The following ADGRG4 variants were observed in gnomAD, a reference collection of about 807,000 sequenced individuals.
ADGRG4 encodes adhesion G protein-coupled receptor G4.
A neutral mutation model predicts 126.2 loss-of-function variants in ADGRG4; 122 were observed. The ratio of observed to expected loss-of-function variants is 0.97; its 90% confidence interval spans 0.83 to 1.12. The LOEUF (loss-of-function observed/expected upper bound fraction) is 1.12. Ranked by LOEUF, ADGRG4 falls within the 50% of genes most tolerant of loss-of-function variation. The pLI is 0.00. For synonymous variants in ADGRG4, 943 were observed against 838.7 expected (o/e 1.12, Z -2.15); for missense variants, 2,481 against 2,251.8 (o/e 1.10, Z -2.06).
At chrX:136,322,631 A>C in intron 4 of ADGRG4, 147 bp from the exon 5 acceptor site, 1 of 446,854 alleles carries the variant, frequency 2.2e-6, no homozygotes, top group South Asian at 5.5e-5. Context: ...ATGATTTTTT[A>C]CATCTACTAT....
At chrX:136,329,733 A>G (rs548716407) in intron 5 of ADGRG4, among the ~76,000 whole-genome samples, 5 of 107,969 alleles carry the variant, frequency 4.6e-5, no homozygotes, top group African/African-American at 1.7e-4. Context: ...GCAGTGGTGC[A>G]ATCAGAGCTC....
At chrX:136,341,203 G>A (rs751742600) in intron 5 of ADGRG4, among the ~76,000 whole-genome samples, 4 of 112,123 alleles carry the variant, frequency 3.6e-5, no homozygotes, top group Non-Finnish European at 5.6e-5. Context: ...CCCATTCCCC[G>A]TCTTCTAAAA....
intron 16 of ADGRG4, among the ~76,000 whole-genome samples, chrX:136,388,235 G>A (rs1235008692): frequency 8.9e-6 from 1 of 111,889 alleles, no homozygotes; most frequent in African/African-American, 3.3e-5. Context: ...AAGCCAACAT[G>A]TCCACTATTC....
At chrX:136,390,331 C>A (rs367567710) in intron 16 of ADGRG4, among the ~76,000 whole-genome samples, 1 of 111,769 alleles carries the variant, frequency 8.9e-6, no homozygotes, top group South Asian at 3.8e-4. Flanking sequence ...GGTTTACAGG[C>A]ATGAGCCACC....
chrX:136,383,866 CT>C (rs766040849), intron 15 of ADGRG4, among the ~76,000 whole-genome samples: 913 of 44,905 alleles, frequency 0.02, 7 homozygotes, highest in Non-Finnish European at 0.03. Flanking sequence ...TTCTTTCTTT[CT>C]TTCTTTCTTC....
intron 23 of ADGRG4, among the ~76,000 whole-genome samples, chrX:136,409,048 G>GACACACACACAC (rs71995144): frequency 2.2e-5 from 2 of 90,885 alleles, no homozygotes; most frequent in East Asian, 3.6e-4. Flanking sequence ...TCAAATTCAA[G>GACACACACACAC]ACACACACAC....
Position 136,357,745 on chromosome X carries a change from T to C in ADGRG4, c.6969T>C (p.Tyr2323=). The C allele has an allele frequency of 2.6e-6, 3 of 1,169,360 alleles. No individual in the cohort carries two copies. Among genetic ancestry groups the C allele is most frequent in the East Asian group, 3.0e-5 (1 of 33,604 alleles). ...GACAAGAAATGGCTACAATTTCCTATGTACCATACAGGTAGGAAGTAGGAA... is the reference window on the plus strand; with the variant it reads ...GACAAGAAATGGCTACAATTTCCTACGTACCATACAGGTAGGAAGTAGGAA... The part of the protein sequence containing the change: ...REGQEMATIS[Y]VPYSCVCQVI... The change falls in exon 10 of 26, where the codon TAT becomes TAC. Residue 2323 remains tyrosine, a synonymous_variant. Transcript: ENST00000394143.
intron 16 of ADGRG4, among the ~76,000 whole-genome samples, chrX:136,391,646 T>C (rs1351455633): frequency 8.9e-6 from 1 of 112,135 alleles, no homozygotes; most frequent in Non-Finnish European, 1.9e-5. Flanking sequence ...ACACCTGCTG[T>C]GTCCTAGGAT....
At chrX:136,335,118 T>C (rs1198770516) in intron 5 of ADGRG4, among the ~76,000 whole-genome samples, 1 of 111,654 alleles carries the variant, frequency 9.0e-6, no homozygotes, top group Non-Finnish European at 1.9e-5. Context: ...TTTTGTCAAA[T>C]GCCTTTTTTG....
intron 7 of ADGRG4, among the ~76,000 whole-genome samples, chrX:136,353,015 CTT>C (rs1199038287): frequency 1.8e-5 from 2 of 111,537 alleles, no homozygotes; most frequent in African/African-American, 6.5e-5. Flanking sequence ...CCTGGTCTCT[CTT>C]TTTCTTCTTA....
intron 5 of ADGRG4, among the ~76,000 whole-genome samples, chrX:136,333,598 A>C (rs773430900): frequency 9.0e-6 from 1 of 111,349 alleles, no homozygotes; most frequent in South Asian, 3.8e-4. Context: ...GCTCACTGCA[A>C]CTTCCACCTC....
At chrX:136,400,883 C>T (rs763425142) in intron 21 of ADGRG4, among the ~76,000 whole-genome samples, 2 of 112,107 alleles carry the variant, frequency 1.8e-5, no homozygotes, top group South Asian at 7.5e-4. Flanking sequence ...GTCAGCTCGG[C>T]TCCTTTCCTC....
At chrX:136,395,547 C>T in intron 19 of ADGRG4, 54 bp downstream of exon 19, 5 of 670,291 alleles carry the variant, frequency 7.5e-6, no homozygotes, top group Non-Finnish European at 1.2e-5. Context: ...TTTATTAGAC[C>T]AGTAATATAT....
intron 13 of ADGRG4, among the ~76,000 whole-genome samples, 196 bp downstream of exon 13, chrX:136,363,791 G>T (rs776583038): frequency 9.0e-6 from 1 of 111,199 alleles, no homozygotes; most frequent in African/African-American, 3.3e-5. Flanking sequence ...CAGTGTTTCA[G>T]TGATTTTTGT....
rs149725423 is a variant in ADGRG4, at chrX:136,345,036, G to T, written c.1330G>T (p.Gly444Ter). 3 of 1,210,933 alleles carry T rather than the reference G, an allele frequency of 2.5e-6. No individual in the cohort carries two copies. Among genetic ancestry groups the T allele is most frequent in the Non-Finnish European group, 3.4e-6 (3 of 894,957 alleles). ...GGAGTTCATTGAATCTACAGCTGCC[G>T]GAACTGTACCTTGGTTTACAGTGGA... is the stretch of plus-strand genomic sequence containing the variant. Reference protein sequence around the residue: ...GQEFIESTAAGTVPWFTVEKT... With the variant: ...GQEFIESTAA The change falls in exon 6 of 26, where the codon GGA becomes TGA. Residue 444 changes from glycine to a stop codon, truncating the protein, a stop_gained. Transcript: ENST00000394143. LOFTEE classifies it high-confidence loss of function.
In ADGRG4 at chrX:136,397,253, C is replaced by T. The variant is rs1042988685; in HGVS notation, c.8185-628C>T. Among the ~76,000 whole-genome samples, 5 of 111,501 alleles carry T rather than the reference C, an allele frequency of 4.5e-5. No homozygotes were observed. In the South Asian group the frequency reaches 1.9e-3, roughly 42 times the overall value. On this transcript the variant is annotated intron_variant, in intron 19 of 25. Coordinates refer to ENST00000394143, the MANE Select transcript of ADGRG4 (RefSeq NM_153834.4). ...CCCTGGGAGAGGGGTAACATCACTCCTGGTTGAGAACTACCAAAGTAAACA... is the reference window on the plus strand; with the variant it reads ...CCCTGGGAGAGGGGTAACATCACTCTTGGTTGAGAACTACCAAAGTAAACA...
chrX:136,369,767 A>G (rs1188299778), intron 13 of ADGRG4, among the ~76,000 whole-genome samples: 1 of 112,151 alleles, frequency 8.9e-6, no homozygotes, highest in African/African-American at 3.2e-5. Context: ...CAAAATGTTA[A>G]TCGAGAAACA....
chrX:136,366,788 A>G (rs763788969), intron 13 of ADGRG4, among the ~76,000 whole-genome samples: 3 of 112,160 alleles, frequency 2.7e-5, no homozygotes, highest in Admixed American at 9.5e-5. Context: ...ATGACATATG[A>G]TGATGAATAG....
intron 5 of ADGRG4, among the ~76,000 whole-genome samples, chrX:136,332,857 G>A (rs1370846533): frequency 3.7e-5 from 4 of 108,244 alleles, no homozygotes; most frequent in African/African-American, 6.7e-5. Flanking sequence ...GGGGTTGTTT[G>A]TTTTTTTCTT....
Sources: gnomAD v4.1 joint callset for allele counts (sites outside exome capture counted in the v4.1 genomes callset) on GRCh38, gnomAD v4.1.1 for gene constraint, MANE v1.5 for transcripts, NCBI Gene and HGNC (gene_info 2026-07-23, HGNC 2026-07-21) for gene names.